The following PTPRT variants were observed in gnomAD, a reference collection of about 807,000 sequenced individuals.
PTPRT encodes the protein receptor-type tyrosine-protein phosphatase T.
A neutral mutation model predicts 176.8 loss-of-function variants in PTPRT; 56 were observed. That is an observed-to-expected ratio of 0.32 (90% CI 0.26 to 0.40). PTPRT has a LOEUF of 0.40. Ranked by LOEUF, PTPRT falls within the 10% of genes least tolerant of loss-of-function variation. The probability of loss-of-function intolerance (pLI) is 1.00; values close to 1 mark genes in which losing one functional copy is unlikely to be tolerated. For missense variants in PTPRT, 1,540 were observed against 1,908.2 expected (o/e 0.81, Z 3.60); for synonymous variants, 783 against 739.0 (o/e 1.06, Z -0.96).
the PTPRT span, among the ~76,000 whole-genome samples, chr20:42,048,770 A>G: frequency 6.5e-3 from 983 of 152,218 alleles, 12 homozygotes; most frequent in African/African-American, 0.023. Flanking sequence ...TTGCTGACTC[A>G]GGGACACTCA....
At chr20:43,047,539 G>A (rs1986886264) in intron 1 of PTPRT, among the ~76,000 whole-genome samples, 1 of 152,132 alleles carries the variant, frequency 6.6e-6, no homozygotes, top group South Asian at 2.1e-4. Context: ...AAAGAGACAT[G>A]AGAAAATTAA....
intron 7 of PTPRT, among the ~76,000 whole-genome samples, chr20:42,645,284 G>A (rs1357644810): frequency 5.9e-5 from 9 of 152,162 alleles, no homozygotes; most frequent in East Asian, 3.9e-4. Flanking sequence ...ACTCTGGGTC[G>A]TGTGGAAGAG....
At chr20:42,039,232 A>C in the PTPRT span, among the ~76,000 whole-genome samples, 45 of 152,296 alleles carry the variant, frequency 3.0e-4, no homozygotes, top group African/African-American at 9.9e-4. Flanking sequence ...GACAAGTAAA[A>C]ATTGTATATA....
At chr20:42,897,336 A>G (rs1288851696) in intron 1 of PTPRT, among the ~76,000 whole-genome samples, 1 of 152,346 alleles carries the variant, frequency 6.6e-6, no homozygotes, top group Admixed American at 6.5e-5. Flanking sequence ...GACTTTGTGC[A>G]GCAACTCAGG....
At chr20:42,917,393 C>G (rs994411696) in intron 1 of PTPRT, among the ~76,000 whole-genome samples, 3 of 152,216 alleles carry the variant, frequency 2.0e-5, no homozygotes, top group East Asian at 3.9e-4. Flanking sequence ...AGTCAGGTAG[C>G]GCGATGCCTC....
At chr20:42,772,119 C>G (rs374969189) in intron 4 of PTPRT, among the ~76,000 whole-genome samples, 8 of 152,064 alleles carry the variant, frequency 5.3e-5, no homozygotes, top group African/African-American at 1.9e-4. Context: ...GCCTGGGTGA[C>G]GATGTTGATG....
At chr20:42,267,308 T>A (rs1300967499) in intron 13 of PTPRT, among the ~76,000 whole-genome samples, 1 of 152,238 alleles carries the variant, frequency 6.6e-6, no homozygotes, top group East Asian at 1.9e-4. Context: ...TAAGCTATGA[T>A]GTTCCGTAGG....
At chr20:42,588,144 T>C (rs937435171) in intron 7 of PTPRT, among the ~76,000 whole-genome samples, 6 of 152,078 alleles carry the variant, frequency 3.9e-5, no homozygotes, top group Admixed American at 6.5e-5. Context: ...TTTTAAACAA[T>C]TGAAATGTGG....
chr20:42,789,789 AT>A (rs1206018994), intron 3 of PTPRT, among the ~76,000 whole-genome samples: 18 of 152,362 alleles, frequency 1.2e-4, no homozygotes, highest in Admixed American at 4.6e-4. Context: ...GTAATTGAGT[AT>A]TAAATTCTGA....
intron 6 of PTPRT, among the ~76,000 whole-genome samples, chr20:42,684,269 T>C (rs2075654072): frequency 6.6e-6 from 1 of 151,638 alleles, no homozygotes; most frequent in Admixed American, 6.6e-5. Flanking sequence ...CGCTTGGACC[T>C]GGGAGGCAGA....
intron 9 of PTPRT, among the ~76,000 whole-genome samples, chr20:42,396,892 C>T (rs1254647161): frequency 6.6e-6 from 1 of 152,198 alleles, no homozygotes; most frequent in Non-Finnish European, 1.5e-5. Flanking sequence ...CCTGGAACAG[C>T]CTTCCTCCAG....
intron 6 of PTPRT, among the ~76,000 whole-genome samples, chr20:42,744,345 A>G (rs1050770182): frequency 6.6e-6 from 1 of 152,248 alleles, no homozygotes; most frequent in African/African-American, 2.4e-5. Flanking sequence ...CTACATCAAG[A>G]AAGAACATTT....
intron 1 of PTPRT, among the ~76,000 whole-genome samples, chr20:43,034,816 G>A (rs997027557): frequency 3.9e-5 from 6 of 151,932 alleles, no homozygotes; most frequent in African/African-American, 1.2e-4. Context: ...TCAGCACTCC[G>A]GAACCGGGTT....
chr20:42,429,873 A>G (rs2059200264), intron 9 of PTPRT, among the ~76,000 whole-genome samples: 1 of 152,146 alleles, frequency 6.6e-6, no homozygotes, highest in Non-Finnish European at 1.5e-5. Flanking sequence ...AAAGATAGCA[A>G]GGGGAGTGTA....
chr20:42,934,849 A>G (rs564040), intron 1 of PTPRT, among the ~76,000 whole-genome samples: 7 of 152,110 alleles, frequency 4.6e-5, no homozygotes, highest in Non-Finnish European at 7.4e-5. Flanking sequence ...CAAGTGGATC[A>G]CCTGAGGTTA....
intron 1 of PTPRT, among the ~76,000 whole-genome samples, chr20:43,074,131 GA>G (rs1471302881): frequency 6.6e-6 from 1 of 151,856 alleles, no homozygotes; most frequent in East Asian, 1.9e-4. Flanking sequence ...CAATTAGGAG[GA>G]AAAAATGTCT....
chr20:42,627,508 G>A (rs75061609), intron 7 of PTPRT, among the ~76,000 whole-genome samples: 1 of 152,024 alleles, frequency 6.6e-6, no homozygotes, highest in Non-Finnish European at 1.5e-5. Context: ...CTGGCATCAA[G>A]CAATCTTTCT....
chr20:42,517,875 C>T (rs1254976838), intron 7 of PTPRT, among the ~76,000 whole-genome samples: 1 of 151,976 alleles, frequency 6.6e-6, no homozygotes, highest in African/African-American at 2.4e-5. Context: ...GGATTCATTC[C>T]TAACAAATGG....
intron 1 of PTPRT, among the ~76,000 whole-genome samples, chr20:42,991,557 G>A (rs562648082): frequency 3.9e-5 from 6 of 151,974 alleles, no homozygotes; most frequent in Non-Finnish European, 7.4e-5. Flanking sequence ...AGGGACTGGT[G>A]GGGGGCAGAT....
Sources: gnomAD v4.1 joint callset for allele counts (sites outside exome capture counted in the v4.1 genomes callset) on GRCh38, gnomAD v4.1.1 for gene constraint, MANE v1.5 for transcripts, NCBI Gene and HGNC (gene_info 2026-07-23, HGNC 2026-07-21) for gene names.